CLASP2: variants seen among roughly 807,000 people sequenced by gnomAD.
CLASP2 encodes the protein CLIP-associating protein 2.
Under a neutral mutation model 194.4 loss-of-function variants are expected in CLASP2, and 47 were observed. The ratio of observed to expected loss-of-function variants is 0.24; its 90% CI spans 0.19 to 0.31. The LOEUF (loss-of-function observed/expected upper bound fraction) is 0.31, where lower values mean the gene tolerates loss of function less well. Ranked by LOEUF, CLASP2 falls within the 10% of genes least tolerant of loss-of-function variation. CLASP2 has a pLI of 1.00. For missense variants in CLASP2, 1,445 were observed against 1,823.6 expected, an observed-to-expected ratio of 0.79 and a Z score of 3.78; for synonymous variants, 619 against 633.5, an observed-to-expected ratio of 0.98 and a Z score of 0.34.
intron 36 of CLASP2, among the ~76,000 whole-genome samples, chr3:33,515,277 G>A (rs2050983265): frequency 6.6e-6 from 1 of 151,940 alleles, no homozygotes; most frequent in African/African-American, 2.4e-5. Context: ...AATCCTCATA[G>A]TTACCTAATC....
rs115337932 is a variant in CLASP2, at chr3:33,585,304, A to T, written c.2069-384T>A. On this transcript the variant is annotated intron_variant, in intron 21 of 38. Coordinates refer to ENST00000682230, the MANE Select transcript of CLASP2 (RefSeq NM_001365631.1). The stretch of plus-strand genomic sequence containing the variant: ...CTACGTGAATAAGCTATATACAGTC[A>T]TATGTCACTTAACAATGGGATACAT... Among the ~76,000 whole-genome samples the T allele has an allele frequency of 3.6e-3, 550 of 152,316 alleles. 2 individuals carry two copies. The highest frequency in any genetic ancestry group is 0.013 in the African/African-American group (522 of 41,556).
intron 14 of CLASP2, 82 bp downstream of exon 14, chr3:33,608,485 A>C: frequency 9.2e-7 from 1 of 1,091,880 alleles, no homozygotes; most frequent in South Asian, 1.4e-5. Flanking sequence ...AATGAGAAAT[A>C]ATGTAAAACC....
chr3:33,501,977 C>T (rs904313073), intron 37 of CLASP2: 1 of 465,734 alleles, frequency 2.1e-6, no homozygotes, highest in African/African-American at 2.0e-5. Flanking sequence ...CACTGTTAGC[C>T]CTCTATATCA....
chr3:33,697,673 T>C (rs1197645635), intron 1 of CLASP2, among the ~76,000 whole-genome samples: 2 of 152,196 alleles, frequency 1.3e-5, no homozygotes, highest in Admixed American at 1.3e-4. Flanking sequence ...AATTTCATCT[T>C]CTGTCTGGGA....
At chr3:33,712,283 T>C (rs1028460147) in intron 1 of CLASP2, among the ~76,000 whole-genome samples, 1 of 152,182 alleles carries the variant, frequency 6.6e-6, no homozygotes, top group African/African-American at 2.4e-5. Context: ...TGTTCTCACT[T>C]ATAAGTTAGG....
intron 20 of CLASP2, 73 bp from the exon 21 acceptor site, chr3:33,592,569 T>C (rs1388619407): frequency 3.2e-6 from 4 of 1,250,028 alleles, no homozygotes; most frequent in Non-Finnish European, 4.5e-6. Context: ...GGAGAAAATC[T>C]CACTATTTTT....
chr3:33,690,795 C>G (rs148664432), intron 2 of CLASP2, among the ~76,000 whole-genome samples: 42 of 152,294 alleles, frequency 2.8e-4, no homozygotes, highest in African/African-American at 7.7e-4. Context: ...CCGCACTGTT[C>G]ATGCTACCTG....
intron 8 of CLASP2, among the ~76,000 whole-genome samples, chr3:33,636,592 G>GA (rs1434465473): frequency 6.6e-6 from 1 of 152,024 alleles, no homozygotes; most frequent in African/African-American, 2.4e-5. Flanking sequence ...CTAAAGTCAG[G>GA]AAAAAAATTT....
intron 18 of CLASP2, among the ~76,000 whole-genome samples, chr3:33,602,016 T>G (rs918244171): frequency 7.6e-6 from 1 of 132,320 alleles, no homozygotes; most frequent in Non-Finnish European, 1.6e-5. Context: ...CCGAAATACC[T>G]TTTTTTTTTT....
intron 29 of CLASP2, among the ~76,000 whole-genome samples, chr3:33,555,082 T>C (rs974514741): frequency 1.3e-5 from 2 of 152,170 alleles, no homozygotes; most frequent in African/African-American, 4.8e-5. Context: ...ATTTTATGTA[T>C]TCTTACCTAA....
chr3:33,534,559 C>T (rs780183545), intron 34 of CLASP2, among the ~76,000 whole-genome samples: 7 of 152,096 alleles, frequency 4.6e-5, no homozygotes, highest in Non-Finnish European at 8.8e-5. Flanking sequence ...AGAGTGACAC[C>T]CAGTCTCTTA....
At chr3:33,599,329 C>T (rs764099054) in intron 18 of CLASP2, among the ~76,000 whole-genome samples, 6 of 151,948 alleles carry the variant, frequency 3.9e-5, no homozygotes, top group Non-Finnish European at 7.4e-5. Context: ...CGCCATGTTG[C>T]CCAGGCTGGT....
intron 12 of CLASP2, among the ~76,000 whole-genome samples, chr3:33,613,150 T>C (rs914574462): frequency 3.9e-5 from 6 of 152,278 alleles, no homozygotes; most frequent in Admixed American, 2.6e-4. Flanking sequence ...AATATGTACA[T>C]TACATATTAA....
At chr3:33,536,575 G>C (rs747486963) in intron 33 of CLASP2, among the ~76,000 whole-genome samples, 1 of 152,192 alleles carries the variant, frequency 6.6e-6, no homozygotes, top group Non-Finnish European at 1.5e-5. Context: ...GATGAGGCCA[G>C]AGAGGTAACA....
chr3:33,517,296 AG>A, intron 34 of CLASP2, 122 bp from the exon 35 acceptor site: 1 of 751,908 alleles, frequency 1.3e-6, no homozygotes, highest in Non-Finnish European at 2.0e-6. Flanking sequence ...AAAAAGACAA[AG>A]AAAAAAGACA....
intron 22 of CLASP2, 81 bp downstream of exon 22, chr3:33,584,669 A>G (rs1351134171): frequency 9.4e-6 from 12 of 1,273,388 alleles, no homozygotes; most frequent in East Asian, 2.4e-5. Flanking sequence ...ATTGTATTCC[A>G]AAGTCTTCAA....
intron 23 of CLASP2, among the ~76,000 whole-genome samples, chr3:33,577,420 T>C (rs766951936): frequency 2.6e-5 from 4 of 152,140 alleles, no homozygotes; most frequent in Admixed American, 6.5e-5. Context: ...AACATTAGCA[T>C]TGCACCATCA....
At chr3:33,715,847 TAA>T (rs59528446) in intron 1 of CLASP2, among the ~76,000 whole-genome samples, 9,804 of 62,352 alleles carry the variant, frequency 0.16, 251 homozygotes, top group East Asian at 0.23. Flanking sequence ...GTATCTTAAG[TAA>T]AAAAAAAAAA....
intron 34 of CLASP2, among the ~76,000 whole-genome samples, chr3:33,526,164 G>T (rs2054513349): frequency 6.6e-6 from 1 of 151,710 alleles, no homozygotes; most frequent in Non-Finnish European, 1.5e-5. Flanking sequence ...GTAGAGATGG[G>T]TTTTTACCAT....
Sources: allele counts gnomAD v4.1 joint callset (sites outside exome capture counted in the v4.1 genomes callset), GRCh38; gene constraint gnomAD v4.1.1; transcripts MANE v1.5; gene names NCBI Gene and HGNC (gene_info 2026-07-23, HGNC 2026-07-21).